The following SUGCT variants were observed in gnomAD, a reference collection of about 807,000 sequenced individuals.
SUGCT encodes the protein succinyl-CoA:glutarate-CoA transferase, also known as succinyl-CoA:glutarate CoA-transferase.
Under a neutral mutation model 55.0 loss-of-function variants are expected in SUGCT, and 41 were observed. The ratio of observed to expected loss-of-function variants is 0.74; its 90% confidence interval spans 0.58 to 0.97. The LOEUF (loss-of-function observed/expected upper bound fraction) is 0.97, where lower values mean the gene tolerates loss of function less well. Ranked by LOEUF, SUGCT falls within the 50% of genes least tolerant of loss-of-function variation. The pLI is 0.00. For synonymous variants in SUGCT, 187 were observed against 200.4 expected (o/e 0.93, Z 0.56); for missense variants, 568 against 547.8 (o/e 1.04, Z -0.37).
chr7:40,661,605 C>T lies in SUGCT; in HGVS notation c.1090-87829C>T, dbSNP rs140306492. ...TTTCCCCTCTCATTTCTTTTTCAGTCTGCTGAAATTGGAATTTGACTCCTA... is the reference window on the plus strand; with the variant it reads ...TTTCCCCTCTCATTTCTTTTTCAGTTTGCTGAAATTGGAATTTGACTCCTA... On this transcript the variant is annotated intron_variant, in intron 12 of 13. Transcript: ENST00000335693. 3.0e-4 allele frequency among the ~76,000 whole-genome samples: 46 copies of T among 152,260 alleles called. 1 individual carries two copies. The East Asian group carries it at 8.9e-3, about 29-fold the overall frequency.
intron 9 of SUGCT, among the ~76,000 whole-genome samples, chr7:40,354,751 A>G (rs1338109064): frequency 6.6e-6 from 1 of 152,224 alleles, no homozygotes; most frequent in Non-Finnish European, 1.5e-5. Flanking sequence ...TGTGGGAATA[A>G]TGAGGAGTAT....
chr7:40,886,119 A>G, the SUGCT span, among the ~76,000 whole-genome samples: 1 of 152,246 alleles, frequency 6.6e-6, no homozygotes, highest in Admixed American at 6.5e-5. Context: ...ATGCTTTGAA[A>G]TGAGGCAAAA....
chr7:40,946,410 C>T, the SUGCT span, among the ~76,000 whole-genome samples: 93 of 152,168 alleles, frequency 6.1e-4, no homozygotes, highest in Middle Eastern at 3.4e-3. Context: ...ATTGGAGGGC[C>T]GTTCTCTAGC....
chr7:41,017,523 C>T, the SUGCT span, among the ~76,000 whole-genome samples: 9 of 152,124 alleles, frequency 5.9e-5, no homozygotes, highest in African/African-American at 2.2e-4. Flanking sequence ...GTAATCCCAG[C>T]ACTTTGGGAG....
At chr7:40,751,848 G>A (rs371836248) in intron 13 of SUGCT, among the ~76,000 whole-genome samples, 35 of 152,248 alleles carry the variant, frequency 2.3e-4, no homozygotes, top group East Asian at 1.5e-3. Flanking sequence ...TAAGTCAGTG[G>A]CCAACCAAGA....
chr7:40,994,831 G>A, the SUGCT span, among the ~76,000 whole-genome samples: 19 of 152,118 alleles, frequency 1.2e-4, no homozygotes, highest in African/African-American at 4.3e-4. Context: ...AGATCTGGTT[G>A]TTTAAAAGAG....
chr7:40,572,524 G>C (rs1796507924), intron 12 of SUGCT, among the ~76,000 whole-genome samples: 1 of 151,998 alleles, frequency 6.6e-6, no homozygotes, highest in Non-Finnish European at 1.5e-5. Flanking sequence ...AACAATCCCT[G>C]AGCCCCCCAG....
chr7:40,351,008 G>A (rs1023751548), intron 9 of SUGCT, among the ~76,000 whole-genome samples: 4 of 152,198 alleles, frequency 2.6e-5, no homozygotes, highest in African/African-American at 9.6e-5. Flanking sequence ...TGGTGTATAT[G>A]TGCCATATTT....
At chr7:40,596,670 G>C (rs1798023247) in intron 12 of SUGCT, among the ~76,000 whole-genome samples, 1 of 152,152 alleles carries the variant, frequency 6.6e-6, no homozygotes, top group Admixed American at 6.6e-5. Flanking sequence ...GGGTCTGGTA[G>C]ATGTGGATGG....
intron 11 of SUGCT, among the ~76,000 whole-genome samples, chr7:40,487,100 T>C (rs74428633): frequency 1.4e-5 from 2 of 148,066 alleles, no homozygotes; most frequent in Non-Finnish European, 3.0e-5. Flanking sequence ...TTTTTTTTTT[T>C]TGACACAGAG....
intron 6 of SUGCT, among the ~76,000 whole-genome samples, chr7:40,227,080 T>C (rs1297183736): frequency 7.7e-6 from 1 of 130,202 alleles, no homozygotes; most frequent in Admixed American, 9.2e-5. Context: ...AGAGTCTTGC[T>C]CTGTCTCCCA....
the SUGCT span, among the ~76,000 whole-genome samples, chr7:40,919,785 A>G: frequency 2.6e-5 from 4 of 152,124 alleles, no homozygotes; most frequent in Non-Finnish European, 5.9e-5. Context: ...CTTGTGTAAT[A>G]CTTTTCCACA....
At chr7:40,595,865 G>A (rs1430990275) in intron 12 of SUGCT, among the ~76,000 whole-genome samples, 1 of 152,148 alleles carries the variant, frequency 6.6e-6, no homozygotes, top group Non-Finnish European at 1.5e-5. Context: ...ATGATCTTAA[G>A]TTTAGTAGCT....
chr7:40,442,058 T>C (rs1176793034), intron 9 of SUGCT, among the ~76,000 whole-genome samples: 1 of 152,130 alleles, frequency 6.6e-6, no homozygotes, highest in Non-Finnish European at 1.5e-5. Flanking sequence ...GTTTTGACGA[T>C]AGTGATGTTA....
At chr7:40,342,713 A>T (rs758607221) in intron 9 of SUGCT, among the ~76,000 whole-genome samples, 2 of 151,112 alleles carry the variant, frequency 1.3e-5, no homozygotes, top group African/African-American at 2.4e-5. Flanking sequence ...CGTGATCTTG[A>T]CTCACTGCAA....
At chr7:40,448,723 T>A (rs143625313) in intron 9 of SUGCT, among the ~76,000 whole-genome samples, 226 of 152,176 alleles carry the variant, frequency 1.5e-3, no homozygotes, top group African/African-American at 5.2e-3. Flanking sequence ...CATGCACCTG[T>A]AGTCCCAGAT....
chr7:40,580,336 A>G (rs1797015354), intron 12 of SUGCT, among the ~76,000 whole-genome samples: 1 of 152,218 alleles, frequency 6.6e-6, no homozygotes, highest in South Asian at 2.1e-4. Flanking sequence ...AGACCATTCT[A>G]TAATACTTAG....
intron 1 of SUGCT, among the ~76,000 whole-genome samples, chr7:40,140,404 A>G (rs151055434): frequency 1.3e-4 from 20 of 151,280 alleles, no homozygotes; most frequent in Non-Finnish European, 2.1e-4. Context: ...CTATGTGTCT[A>G]TTTATTTATT....
chr7:40,609,148 G>A (rs1417835726), intron 12 of SUGCT, among the ~76,000 whole-genome samples: 3 of 152,064 alleles, frequency 2.0e-5, no homozygotes, highest in Non-Finnish European at 2.9e-5. Context: ...TTGAGCCCTA[G>A]TATCCTTATC....
Sources: gnomAD v4.1 joint callset for allele counts (sites outside exome capture counted in the v4.1 genomes callset) on GRCh38, gnomAD v4.1.1 for gene constraint, MANE v1.5 for transcripts, NCBI Gene and HGNC (gene_info 2026-07-23, HGNC 2026-07-21) for gene names.